EVC: variants seen among roughly 807,000 people sequenced by gnomAD.
The protein encoded by EVC is evC complex member EVC.
EVC carries 116 observed loss-of-function variants against 118.9 expected under a neutral mutation model. That is an observed-to-expected ratio of 0.98 (90% CI 0.84 to 1.14). The LOEUF (loss-of-function observed/expected upper bound fraction) is 1.14. Among genes scored for constraint, EVC ranks in the 50% most tolerant of loss-of-function variants. The pLI, the probability that EVC is intolerant of heterozygous loss-of-function variation, is 0.00. For missense variants in EVC, 1,401 were observed against 1,246.4 expected, an observed-to-expected ratio of 1.12 and a Z score of -1.87; for synonymous variants, 619 against 534.7, an observed-to-expected ratio of 1.16 and a Z score of -2.18.
At position 5,798,854 on chromosome 4, in the gene EVC, G is replaced by A. The variant is rs1714467032; in HGVS notation, c.2304+62G>A. Reference sequence around the variant, plus strand: ...CAAGAATGTTCAGGGTAGGGTCCATGCCTGGGTCTGCTCCTTGCCACACCG... The same window carrying A: ...CAAGAATGTTCAGGGTAGGGTCCATACCTGGGTCTGCTCCTTGCCACACCG... On this transcript the variant is annotated intron_variant, in intron 15 of 20. Transcript: ENST00000264956. This position sits in a 1 kb window ranked among gnomAD's most constrained non-coding sequence, Gnocchi z 4.1. 4 of 1,528,840 alleles carry A rather than the reference G, an allele frequency of 2.6e-6. No homozygotes were observed. The South Asian group carries it at 4.7e-5, about 18-fold the overall frequency. 94.7% of individuals were successfully genotyped at this position (1,528,840 alleles called of 1,614,324 possible).
intron 8 of EVC, chr4:5,752,583 A>G: frequency 1.7e-6 from 1 of 578,214 alleles, no homozygotes; most frequent in South Asian, 2.0e-5. Context: ...GGGGAGCGCT[A>G]CTGGTGACTA....
chr4:5,753,071 TGCCGCCGTCCACAACACTG>T lies in EVC; in HGVS notation c.1315+23_1315+41del. 1.9e-6 allele frequency: 3 copies of T among 1,564,750 alleles called. No homozygotes were observed. The highest frequency in any genetic ancestry group is 2.6e-6 in the Non-Finnish European group (3 of 1,155,350). ...AGCCGGGGTGAGCCGTGGGCATGGG[TGCCGCCGTCCACAACACTG>T]GCCTTCTGGGTCCCTGGGGCTGTGC... On this transcript the variant is annotated intron_variant, in intron 9 of 20. Coordinates refer to ENST00000264956, the MANE Select transcript of EVC (RefSeq NM_153717.3).
the EVC span, chr4:5,824,630 A>T: frequency 1.1e-6 from 1 of 949,984 alleles, no homozygotes; most frequent in Non-Finnish European, 1.3e-6. Context: ...AATAGTTTGT[A>T]CATTTTCAAA....
At chr4:5,794,451 G>C (rs1713558871) in intron 13 of EVC, among the ~76,000 whole-genome samples, 1 of 148,116 alleles carries the variant, frequency 6.8e-6, no homozygotes, top group Admixed American at 6.8e-5. Context: ...CTGTCGCCCA[G>C]GCTAGTGTCC....
At chr4:5,768,072 C>T (rs975900100) in intron 11 of EVC, among the ~76,000 whole-genome samples, 10 of 152,024 alleles carry the variant, frequency 6.6e-5, no homozygotes, top group Non-Finnish European at 1.3e-4. Context: ...GTATGCTTGG[C>T]ATTGCAGCAG....
At chr4:5,736,304 T>C (rs993475833) in intron 5 of EVC, among the ~76,000 whole-genome samples, 7 of 150,170 alleles carry the variant, frequency 4.7e-5, no homozygotes, top group African/African-American at 1.7e-4. Context: ...CACACACACA[T>C]GCACACACAT....
At chr4:5,797,390 A>T in intron 14 of EVC, 158 bp downstream of exon 14, 1 of 684,282 alleles carries the variant, frequency 1.5e-6, no homozygotes, top group Non-Finnish European at 2.6e-6. Flanking sequence ...GGTCCCACAG[A>T]CCGGGCAGCT....
chr4:5,765,909 A>G (rs1038802629), intron 11 of EVC, among the ~76,000 whole-genome samples: 2 of 142,174 alleles, frequency 1.4e-5, no homozygotes, highest in African/African-American at 2.7e-5. Flanking sequence ...TTACATTTAA[A>G]GTTAATATTG....
intron 11 of EVC, among the ~76,000 whole-genome samples, chr4:5,775,550 G>C (rs1403292439): frequency 6.6e-6 from 1 of 152,140 alleles, no homozygotes; most frequent in Non-Finnish European, 1.5e-5. Context: ...CATGTGCTTT[G>C]TCCCATTGGC....
At chr4:5,760,772 G>A (rs1201169047) in intron 11 of EVC, among the ~76,000 whole-genome samples, 1 of 152,104 alleles carries the variant, frequency 6.6e-6, no homozygotes, top group Admixed American at 6.5e-5. Flanking sequence ...GGCTGGTCTC[G>A]AACTCCTGAC....
Position 5,748,244 on chromosome 4 carries a change from C to CT in EVC, c.1037dup (p.Thr347AspfsTer37). 1 of 1,614,144 alleles carries CT rather than the reference C, an allele frequency of 6.2e-7. No individual in the cohort carries two copies. The highest frequency in any genetic ancestry group is 1.1e-5 in the South Asian group (1 of 91,072). ...CAAAGCCCGACAGCTGATGATGACT[C>CT]TGACGGAAAGAATGATTGCAGCCGA... On this transcript the variant is annotated frameshift_variant, in exon 8 of 21. Coordinates refer to ENST00000264956, the MANE Select transcript of EVC (RefSeq NM_153717.3). LOFTEE classifies it high-confidence loss of function.
rs75768796 is a variant in EVC, at chr4:5,772,343, G to A, written c.1564-11209G>A. 2.3e-3 allele frequency among the ~76,000 whole-genome samples: 344 copies of A among 147,166 alleles called. 2 individuals are homozygous for A. The highest frequency in any genetic ancestry group is 0.016 in the South Asian group (77 of 4,686). On this transcript the variant is annotated intron_variant, in intron 11 of 20. Transcript: ENST00000264956. ...ATCTTACCTCCCTGCAAAGAGGTAC[G>A]GGGGAGAGAAGAGTCGTTCAAGAAG...
intron 5 of EVC, 31 bp downstream of exon 5, chr4:5,733,466 T>A (rs1337903877): frequency 1.3e-6 from 2 of 1,571,644 alleles, no homozygotes; most frequent in Admixed American, 3.3e-5. Context: ...TCCCTCCTTT[T>A]CATGGGGACA....
downstream of EVC, among the ~76,000 whole-genome samples, chr4:5,814,869 G>C (rs1377957496): frequency 3.9e-5 from 6 of 151,940 alleles, no homozygotes; most frequent in Non-Finnish European, 7.4e-5. Flanking sequence ...AACAACATCA[G>C]GGCCCCCCTT....
chr4:5,747,371 T>C (rs1252134824), intron 7 of EVC, among the ~76,000 whole-genome samples: 5 of 152,206 alleles, frequency 3.3e-5, no homozygotes. Flanking sequence ...TGGAGTTAAA[T>C]GGACCTGAAC....
intron 11 of EVC, among the ~76,000 whole-genome samples, chr4:5,770,222 G>C (rs774084374): frequency 6.6e-6 from 1 of 152,102 alleles, no homozygotes; most frequent in Non-Finnish European, 1.5e-5. Flanking sequence ...ATTGGGCTCA[G>C]CTACACTGGT....
At chr4:5,714,635 G>C (rs748697910) in intron 1 of EVC, among the ~76,000 whole-genome samples, 58 of 151,996 alleles carry the variant, frequency 3.8e-4, no homozygotes, top group Admixed American at 5.9e-4. Context: ...TCAATACGGA[G>C]GTTATAGGGG....
chr4:5,782,110 C>G (rs1050173556), intron 11 of EVC, among the ~76,000 whole-genome samples: 19 of 152,168 alleles, frequency 1.2e-4, no homozygotes, highest in African/African-American at 4.1e-4. Context: ...TGGAGTCTCT[C>G]TCTGTCACCC....
chr4:5,824,790 A>C, the EVC span: 1 of 921,822 alleles, frequency 1.1e-6, no homozygotes, highest in African/African-American at 3.0e-5. Flanking sequence ...GCAACGCCTC[A>C]AAGAGTTTGC....
Sources: gnomAD v4.1 joint callset for allele counts (sites outside exome capture counted in the v4.1 genomes callset) on GRCh38, gnomAD v4.1.1 for gene constraint, Gnocchi (gnomAD v3.1) non-coding constraint, MANE v1.5 for transcripts, NCBI Gene and HGNC (gene_info 2026-07-23, HGNC 2026-07-21) for gene names.